Variants in RELN observed in about 807,000 individuals in gnomAD.
The protein encoded by RELN is reelin.
A neutral mutation model predicts 427.6 loss-of-function variants in RELN; 108 were observed. That is an observed-to-expected ratio of 0.25 (90% CI 0.22 to 0.30). The LOEUF is 0.30. Among genes scored for constraint, RELN ranks in the 10% least tolerant of loss-of-function variants. The probability of loss-of-function intolerance (pLI) is 1.00; values close to 1 mark genes in which losing one functional copy is unlikely to be tolerated. For synonymous variants in RELN, 1,524 were observed against 1,513.4 expected (o/e 1.01, Z -0.16); for missense variants, 3,715 against 4,302.8 (o/e 0.86, Z 3.82).
intron 2 of RELN, among the ~76,000 whole-genome samples, chr7:103,843,988 G>A (rs942790659): frequency 2.6e-5 from 4 of 152,042 alleles, no homozygotes; most frequent in Admixed American, 1.3e-4. Flanking sequence ...TCAAACTAAC[G>A]GCAACATGCT....
At chr7:103,982,073 C>T (rs1015439069) in intron 1 of RELN, among the ~76,000 whole-genome samples, 24 of 151,934 alleles carry the variant, frequency 1.6e-4, no homozygotes, top group Admixed American at 2.0e-4. Flanking sequence ...GGCTGCGGCA[C>T]GAGAATCGCC....
Position 103,603,545 on chromosome 7 carries a change from G to A in RELN, c.3147-55C>T. The A allele has an allele frequency of 8.3e-6, 11 of 1,330,642 alleles. No homozygotes were observed. The highest frequency in any genetic ancestry group is 1.2e-5 in the Non-Finnish European group (11 of 922,276). 82.4% of individuals were successfully genotyped at this position (1,330,642 alleles called of 1,614,324 possible). ...TTACAGGCCCACCTGCCAATGCAAT[G>A]GCCCTCTGACCTCAACCATTTCCCA... On this transcript the variant is annotated intron_variant, in intron 23 of 64. Coordinates refer to ENST00000428762, the MANE Select transcript of RELN (RefSeq NM_005045.4). The surrounding 1 kb of genome is among the most constrained non-coding windows in gnomAD (Gnocchi z 4.3).
chr7:103,494,509 G>C (rs1828771067), intron 57 of RELN, among the ~76,000 whole-genome samples: 1 of 149,964 alleles, frequency 6.7e-6, no homozygotes, highest in Non-Finnish European at 1.5e-5. Flanking sequence ...TGAGCAGCTA[G>C]GACTACAAGT....
chr7:103,551,296 T>A lies in RELN; in HGVS notation c.6073A>T (p.Ile2025Phe). Reference sequence around the variant, plus strand: ...CTATCAGTCGAACAGCCAACGTTGATCTTGGGGATGAAGAAAAAAATGATA... The same window carrying A: ...CTATCAGTCGAACAGCCAACGTTGAACTTGGGGATGAAGAAAAAAATGATA... Reference protein sequence around the residue: ...VNENTIIQFEINVGCSTDSSS... With the variant: ...VNENTIIQFEFNVGCSTDSSS... The change falls in exon 41 of 65, where the codon ATC becomes TTC. Residue 2025 changes from isoleucine to phenylalanine, a missense_variant and splice_region_variant. Coordinates refer to ENST00000428762, the MANE Select transcript of RELN (RefSeq NM_005045.4). 1 of 1,610,780 alleles carries A rather than the reference T, an allele frequency of 6.2e-7. No homozygotes were observed. Among genetic ancestry groups the A allele is most frequent in the East Asian group, 2.2e-5 (1 of 44,814 alleles).
At chr7:103,981,508 C>T (rs552393995) in intron 1 of RELN, among the ~76,000 whole-genome samples, 1 of 152,246 alleles carries the variant, frequency 6.6e-6, no homozygotes, top group Non-Finnish European at 1.5e-5. Context: ...CAGAGCAATT[C>T]AGAGCTTGAT....
At chr7:103,523,635 C>T (rs951985637) in intron 46 of RELN, 104 bp from the exon 47 acceptor site, 22 of 1,057,030 alleles carry the variant, frequency 2.1e-5, no homozygotes, top group Middle Eastern at 2.1e-4. Context: ...AAAGCATGTA[C>T]ATTCCTACTT....
intron 8 of RELN, among the ~76,000 whole-genome samples, chr7:103,708,653 C>A (rs557366819): frequency 6.6e-6 from 1 of 151,638 alleles, no homozygotes; most frequent in Non-Finnish European, 1.5e-5. Context: ...TTAGTAGAAA[C>A]GGGGTTTCAC....
intron 2 of RELN, among the ~76,000 whole-genome samples, chr7:103,877,854 C>G (rs1368401175): frequency 3.9e-5 from 5 of 129,856 alleles, no homozygotes; most frequent in Non-Finnish European, 6.3e-5. Flanking sequence ...CTGTCTCTCC[C>G]TGCCTTTTTT....
chr7:103,786,634 T>C (rs1238545156), intron 3 of RELN, among the ~76,000 whole-genome samples: 1 of 151,748 alleles, frequency 6.6e-6, no homozygotes, highest in African/African-American at 2.4e-5. Flanking sequence ...AAGGGATTAA[T>C]GCAACAAGAA....
chr7:103,723,133 CACTT>C lies in RELN; in HGVS notation c.805+3_805+6del. On this transcript the variant is annotated splice_donor_5th_base_variant and intron_variant, in intron 8 of 64. Coordinates refer to ENST00000428762, the MANE Select transcript of RELN (RefSeq NM_005045.4). ...TTAAATCGTTATAACTGCTAAAAAA[CACTT>C]ACCAATGGAAAATTGGAGGACAGAA... 1 of 1,578,356 alleles carries C rather than the reference CACTT, an allele frequency of 6.3e-7. No individual in the cohort carries two copies. The highest frequency in any genetic ancestry group is 8.7e-7 in the Non-Finnish European group (1 of 1,147,926).
At chr7:103,790,322 T>G (rs1792128390) in intron 3 of RELN, among the ~76,000 whole-genome samples, 1 of 152,096 alleles carries the variant, frequency 6.6e-6, no homozygotes, top group East Asian at 1.9e-4. Context: ...ATTCCAGAAC[T>G]ATAATAATAA....
intron 11 of RELN, among the ~76,000 whole-genome samples, chr7:103,666,023 A>C (rs1833257570): frequency 6.6e-6 from 1 of 151,098 alleles, no homozygotes; most frequent in East Asian, 1.9e-4. Context: ...CTATCACTGT[A>C]TTTTTCATTT....
intron 4 of RELN, among the ~76,000 whole-genome samples, chr7:103,767,361 T>A (rs2116161020): frequency 6.6e-6 from 1 of 152,326 alleles, no homozygotes; most frequent in South Asian, 2.1e-4. Context: ...GAACCAGCAT[T>A]GGGCTGTGAG....
At chr7:103,870,392 A>G (rs139617331) in intron 2 of RELN, among the ~76,000 whole-genome samples, 1,651 of 152,056 alleles carry the variant, frequency 0.011, 15 homozygotes, top group Non-Finnish European at 0.018. Context: ...AGGCAGTTCA[A>G]CTACTGGCTG....
chr7:103,535,788 A>C (rs1830036486), intron 45 of RELN, among the ~76,000 whole-genome samples: 1 of 152,184 alleles, frequency 6.6e-6, no homozygotes, highest in South Asian at 2.1e-4. Flanking sequence ...CATCATGACA[A>C]AAGTACTGCT....
chr7:103,702,164 T>C (rs1353445382), intron 8 of RELN, among the ~76,000 whole-genome samples: 1 of 152,204 alleles, frequency 6.6e-6, no homozygotes. Context: ...TATGCTACTT[T>C]AATTGTTGCT....
rs141416938 is a variant in RELN, at chr7:103,834,049, G to C, written c.338-377C>G. ...GAGGTGGGAGGCATCTCAGTAAAAG[G>C]ATGTCAGGAGAGGCTTGTTAAAATA... On this transcript the variant is annotated intron_variant, in intron 2 of 64. Coordinates refer to ENST00000428762, the MANE Select transcript of RELN (RefSeq NM_005045.4). 4.5e-4 allele frequency among the ~76,000 whole-genome samples: 68 copies of C among 152,268 alleles called. 3 individuals are homozygous for C. The highest frequency in any genetic ancestry group is 1.6e-3 in the African/African-American group (65 of 41,558).
intron 2 of RELN, among the ~76,000 whole-genome samples, chr7:103,878,829 C>T (rs1794543042): frequency 6.6e-6 from 1 of 152,186 alleles, no homozygotes; most frequent in Non-Finnish European, 1.5e-5. Context: ...ATATATGCTT[C>T]TGACTGCAGA....
chr7:103,665,402 A>T (rs763016213), intron 11 of RELN, among the ~76,000 whole-genome samples: 1 of 151,410 alleles, frequency 6.6e-6, no homozygotes, highest in Non-Finnish European at 1.5e-5. Flanking sequence ...TATGTAAAAT[A>T]GCTCTTGATA....
Sources: gnomAD v4.1 joint callset for allele counts (sites outside exome capture counted in the v4.1 genomes callset) on GRCh38, gnomAD v4.1.1 for gene constraint, Gnocchi (gnomAD v3.1) non-coding constraint, MANE v1.5 for transcripts, NCBI Gene and HGNC (gene_info 2026-07-23, HGNC 2026-07-21) for gene names.